Variants in DMD observed in about 807,000 individuals in gnomAD.
DMD encodes dystrophin.
Under a neutral mutation model 330.1 loss-of-function variants are expected in DMD, and 63 were observed. That is an observed-to-expected ratio of 0.19 (90% CI 0.16 to 0.24). DMD has a LOEUF of 0.24. DMD is among the 10% of genes least tolerant of loss of function. The probability of loss-of-function intolerance (pLI) is 1.00; values close to 1 mark genes in which losing one functional copy is unlikely to be tolerated. For synonymous variants in DMD, 1,223 were observed against 959.8 expected, an observed-to-expected ratio of 1.27 and a Z score of -5.07; for missense variants, 3,344 against 2,684.1, an observed-to-expected ratio of 1.25 and a Z score of -5.43.
intron 62 of DMD, among the ~76,000 whole-genome samples, chrX:31,304,883 G>A (rs1158585195): frequency 9.0e-6 from 1 of 110,717 alleles, no homozygotes; most frequent in African/African-American, 3.3e-5. Flanking sequence ...TCCAAATTTT[G>A]AACTGCACAG....
chrX:32,742,356 A>G (rs942928817), intron 7 of DMD, among the ~76,000 whole-genome samples: 4 of 112,206 alleles, frequency 3.6e-5, no homozygotes, highest in African/African-American at 1.3e-4. Context: ...AGGATAAAAT[A>G]CATCAGAGAA....
At chrX:31,295,428 T>C (rs996488535) in intron 62 of DMD, among the ~76,000 whole-genome samples, 2 of 111,049 alleles carry the variant, frequency 1.8e-5, no homozygotes, top group Non-Finnish European at 3.8e-5. Flanking sequence ...TTTTTGTTTG[T>C]TTGTTTGTTG....
intron 2 of DMD, among the ~76,000 whole-genome samples, chrX:32,930,601 T>C (rs1327273439): frequency 9.0e-6 from 1 of 110,625 alleles, no homozygotes; most frequent in Non-Finnish European, 1.9e-5. Flanking sequence ...CATTCAAGAT[T>C]TCAGAAACAT....
Position 31,119,742 on chromosome X carries a change from T to G in DMD, c.*2177A>C, listed in dbSNP as rs2032023189. ...TAACCCCTTGTTTTAAATCTGAGTT[T>G]TAAAAATCCTTGGGTAAAGAAAAGG... On this transcript the variant is annotated 3_prime_UTR_variant, in exon 79 of 79. Coordinates refer to ENST00000357033, the MANE Select transcript of DMD (RefSeq NM_004006.3). 1 of 111,558 alleles carries G rather than the reference T, an allele frequency of 9.0e-6. No homozygotes were observed. The allele number at this position is 111,558 out of a possible 1,213,427, so 9.2% of individuals were successfully genotyped here.
intron 2 of DMD, among the ~76,000 whole-genome samples, chrX:32,890,045 C>G (rs759847054): frequency 8.9e-6 from 1 of 111,853 alleles, no homozygotes; most frequent in Admixed American, 9.5e-5. Flanking sequence ...TATTGAGATT[C>G]ACTGCCACTG....
intron 16 of DMD, among the ~76,000 whole-genome samples, chrX:32,555,826 G>A (rs1272499098): frequency 1.8e-5 from 2 of 111,569 alleles, no homozygotes; most frequent in Non-Finnish European, 3.8e-5. Flanking sequence ...AACTCAAGAT[G>A]GATTAAAGAC....
chrX:32,078,248 G>T (rs938808144), intron 44 of DMD, among the ~76,000 whole-genome samples: 6 of 110,658 alleles, frequency 5.4e-5, no homozygotes, highest in Admixed American at 3.8e-4. Flanking sequence ...ACATTAAAGA[G>T]TTAACACTGA....
At chrX:32,879,764 G>A (rs1449752110) in intron 2 of DMD, among the ~76,000 whole-genome samples, 1 of 111,526 alleles carries the variant, frequency 9.0e-6, no homozygotes, top group Non-Finnish European at 1.9e-5. Flanking sequence ...TGGAAATCAA[G>A]ACCTTCAATC....
chrX:33,153,914 T>C (rs1415360451), intron 1 of DMD, among the ~76,000 whole-genome samples: 2 of 112,440 alleles, frequency 1.8e-5, no homozygotes, highest in East Asian at 2.8e-4. Context: ...ATATGTCTAA[T>C]TGATATAAAG....
At chrX:32,576,427 T>G (rs2053058163) in intron 13 of DMD, among the ~76,000 whole-genome samples, 1 of 109,970 alleles carries the variant, frequency 9.1e-6, no homozygotes, top group Non-Finnish European at 1.9e-5. Context: ...GGGCCATGAC[T>G]AAGTAAAACT....
chrX:31,442,024 A>G (rs914643372), intron 60 of DMD, among the ~76,000 whole-genome samples: 2 of 112,324 alleles, frequency 1.8e-5, no homozygotes, highest in Non-Finnish European at 3.8e-5. Flanking sequence ...AGCAGACACC[A>G]CAAACTGAAC....
chrX:32,525,234 G>A (rs2046833600), intron 17 of DMD, among the ~76,000 whole-genome samples: 1 of 111,481 alleles, frequency 9.0e-6, no homozygotes, highest in Non-Finnish European at 1.9e-5. Flanking sequence ...AACTCTTTTT[G>A]TCCACACATA....
chrX:32,218,829 T>C (rs918990265), intron 43 of DMD, among the ~76,000 whole-genome samples: 15 of 111,859 alleles, frequency 1.3e-4, no homozygotes, highest in African/African-American at 4.9e-4. Context: ...AAATATCTCT[T>C]GTTTCAATGG....
At chrX:32,001,124 T>A (rs1053954979) in intron 44 of DMD, among the ~76,000 whole-genome samples, 2 of 111,542 alleles carry the variant, frequency 1.8e-5, no homozygotes, top group Non-Finnish European at 3.8e-5. Context: ...GGAGACTGAC[T>A]GCAACGGGAG....
At chrX:31,580,402 G>C (rs1336188837) in intron 55 of DMD, among the ~76,000 whole-genome samples, 2 of 111,554 alleles carry the variant, frequency 1.8e-5, no homozygotes, top group East Asian at 5.6e-4. Flanking sequence ...CAAGATGTGA[G>C]CGATAGAGCT....
At chrX:32,513,238 T>G (rs1216744022) in intron 18 of DMD, among the ~76,000 whole-genome samples, 2 of 112,206 alleles carry the variant, frequency 1.8e-5, no homozygotes. Flanking sequence ...AAAGCCTAAC[T>G]GAAGTGCCAA....
chrX:31,365,805 T>C (rs765588678), intron 60 of DMD, among the ~76,000 whole-genome samples: 2 of 112,886 alleles, frequency 1.8e-5, no homozygotes, highest in South Asian at 7.3e-4. Flanking sequence ...GCATGTTGTC[T>C]TGGTCATCTC....
At chrX:33,168,620 A>G (rs1222267725) in intron 1 of DMD, among the ~76,000 whole-genome samples, 1 of 110,707 alleles carries the variant, frequency 9.0e-6, no homozygotes, top group African/African-American at 3.3e-5. Context: ...TTTAGGAAGA[A>G]GCAAGCAGAT....
chrX:31,820,635 G>A (rs1219055162), intron 49 of DMD, among the ~76,000 whole-genome samples: 1 of 111,688 alleles, frequency 9.0e-6, no homozygotes, highest in African/African-American at 3.3e-5. Context: ...GAGCTGCAGA[G>A]AGCTGCCTTG....
Sources: gnomAD v4.1 joint callset for allele counts (sites outside exome capture counted in the v4.1 genomes callset) on GRCh38, gnomAD v4.1.1 for gene constraint, MANE v1.5 for transcripts, NCBI Gene and HGNC (gene_info 2026-07-23, HGNC 2026-07-21) for gene names.